The following DPF3 variants were observed in gnomAD, a reference collection of about 807,000 sequenced individuals.
The protein encoded by DPF3 is double PHD fingers 3.
In DPF3, 18 loss-of-function variants were observed where a neutral mutation model predicts 56.8. That is an observed-to-expected ratio of 0.32 (90% CI 0.22 to 0.47). The LOEUF (loss-of-function observed/expected upper bound fraction) is 0.47, where lower values mean the gene tolerates loss of function less well. Among genes scored for constraint, DPF3 ranks in the 20% least tolerant of loss-of-function variants. The pLI is 1.00. For synonymous variants in DPF3, 188 were observed against 180.2 expected, an observed-to-expected ratio of 1.04 and a Z score of -0.35; for missense variants, 403 against 488.8, an observed-to-expected ratio of 0.82 and a Z score of 1.65.
chr14:72,652,776 T>C (rs1885951814), intron 8 of DPF3, among the ~76,000 whole-genome samples: 1 of 151,712 alleles, frequency 6.6e-6, no homozygotes, highest in South Asian at 2.1e-4. Flanking sequence ...GGCCCCAGAA[T>C]GCGGGCTGTA....
At chr14:72,629,516 T>A (rs568820601) in intron 9 of DPF3, 108 bp downstream of exon 9, 1 of 1,065,868 alleles carries the variant, frequency 9.4e-7, no homozygotes, top group Non-Finnish European at 1.4e-6. Context: ...AGTGCCAGGG[T>A]AACAGGCCCC....
At chr14:72,669,033 C>A (rs1011849404) in intron 8 of DPF3, among the ~76,000 whole-genome samples, 2 of 152,122 alleles carry the variant, frequency 1.3e-5, no homozygotes, top group Non-Finnish European at 2.9e-5. Flanking sequence ...ACAGAACAAC[C>A]CAAAAGTGGT....
Position 72,649,660 on chromosome 14 carries a change from T to TGGGCG in DPF3, c.872-19925_872-19924insCGCCC, listed in dbSNP as rs1555491964. Among the ~76,000 whole-genome samples the TGGGCG allele has an allele frequency of 0.019, 1,143 of 61,132 alleles. 39 individuals carry two copies. In the East Asian group the frequency reaches 0.23, roughly 12 times the overall value. The allele number at this position is 61,132 out of a possible 152,430, so 40.1% of individuals were successfully genotyped here. On this transcript the variant is annotated intron_variant, in intron 8 of 10. Transcript: ENST00000556509. ...CTCAATTGTCTCACTCATCCCTGGG[T>TGGGCG]GGGGGGGGGGATTAATGTATTAGTA...
chr14:72,749,777 G>A (rs956351020), intron 3 of DPF3, among the ~76,000 whole-genome samples: 1 of 151,982 alleles, frequency 6.6e-6, no homozygotes, highest in African/African-American at 2.4e-5. Flanking sequence ...GCTGCCATCT[G>A]GGGAAGTTGA....
chr14:72,676,728 G>T (rs899474102), intron 7 of DPF3, among the ~76,000 whole-genome samples: 1 of 152,180 alleles, frequency 6.6e-6, no homozygotes, highest in East Asian at 1.9e-4. Context: ...ATGTGCCTTT[G>T]CTCCTCCTTT....
chr14:72,817,095 T>C (rs1883320920), intron 1 of DPF3, among the ~76,000 whole-genome samples: 1 of 152,108 alleles, frequency 6.6e-6, no homozygotes, highest in South Asian at 2.1e-4. Flanking sequence ...ATCACCTCTC[T>C]CAGAGGCTCA....
At position 72,618,058 on chromosome 14, in the gene DPF3, A is replaced by AT. The variant is rs564795126; in HGVS notation, c.*1238dup. Among the ~76,000 whole-genome samples the AT allele has an allele frequency of 0.48, 73,193 of 151,086 alleles. 18,492 individuals carry two copies. Among genetic ancestry groups the AT allele is most frequent in the East Asian group, 0.93 (4,763 of 5,114 alleles). ...CTCCCCACCTCTTTCTTCTAGACAC[A>AT]TTTTTTTTTGAAAACAAGAGTCCTG... On this transcript the variant is annotated 3_prime_UTR_variant, in exon 11 of 11. Transcript: ENST00000556509.
intron 2 of DPF3, among the ~76,000 whole-genome samples, chr14:72,764,484 G>GTTTTTGTTTTTTTTT (rs1891185069): frequency 1.9e-5 from 1 of 52,792 alleles, no homozygotes; most frequent in South Asian, 1.1e-3. Flanking sequence ...TTCCTGAGTT[G>GTTTTTGTTTTTTTTT]TTTTTTTTTT....
intron 5 of DPF3, 140 bp downstream of exon 5, chr14:72,723,493 C>G (rs10151620): frequency 0.71 from 529,462 of 747,056 alleles, 189,469 homozygotes; most frequent in East Asian, 0.84. Flanking sequence ...GATCAGAGCT[C>G]TTCTGGAGTT....
intron 1 of DPF3, among the ~76,000 whole-genome samples, chr14:72,865,868 GA>G (rs1239551277): frequency 6.6e-6 from 1 of 152,112 alleles, no homozygotes; most frequent in Admixed American, 6.6e-5. Flanking sequence ...CCAACATGAT[GA>G]AACCCCGTCT....
chr14:72,821,330 C>G (rs2140034735), intron 1 of DPF3, among the ~76,000 whole-genome samples: 1 of 152,148 alleles, frequency 6.6e-6, no homozygotes, highest in South Asian at 2.1e-4. Flanking sequence ...GTCCTATAAT[C>G]CCAGCACTTA....
At chr14:72,690,957 T>G (rs1887653164) in intron 7 of DPF3, among the ~76,000 whole-genome samples, 1 of 152,194 alleles carries the variant, frequency 6.6e-6, no homozygotes, top group African/African-American at 2.4e-5. Context: ...CTTGGTCACT[T>G]AGACCAGGGA....
chr14:72,722,700 A>G (rs1599384866), intron 5 of DPF3, among the ~76,000 whole-genome samples: 1 of 152,224 alleles, frequency 6.6e-6, no homozygotes, highest in African/African-American at 2.4e-5. Flanking sequence ...GGTGGACAGC[A>G]GCAGTTTACT....
At chr14:72,699,461 G>A (rs1470326419) in intron 6 of DPF3, among the ~76,000 whole-genome samples, 3 of 149,418 alleles carry the variant, frequency 2.0e-5, no homozygotes, top group African/African-American at 5.0e-5. Flanking sequence ...GGTCGAGGGT[G>A]CAGTGAGCCA....
intron 1 of DPF3, among the ~76,000 whole-genome samples, chr14:72,874,862 G>A (rs1482391976): frequency 1.3e-5 from 2 of 152,136 alleles, no homozygotes; most frequent in Admixed American, 1.3e-4. Context: ...TTTCAGCAAT[G>A]CCCCACTCTA....
chr14:72,733,373 T>TGACAAGGTA (rs1889755648), intron 3 of DPF3, among the ~76,000 whole-genome samples: 1 of 151,876 alleles, frequency 6.6e-6, no homozygotes, highest in South Asian at 2.1e-4. Flanking sequence ...TTAAGGGATC[T>TGACAAGGTA]GACAAGGTAG....
intron 8 of DPF3, among the ~76,000 whole-genome samples, chr14:72,654,693 A>G (rs1344341714): frequency 6.6e-6 from 1 of 152,182 alleles, no homozygotes. Flanking sequence ...TAATATCTAT[A>G]AAAAGCCTAG....
At chr14:72,632,743 G>A (rs1194965204) in intron 8 of DPF3, among the ~76,000 whole-genome samples, 3 of 138,478 alleles carry the variant, frequency 2.2e-5, no homozygotes, top group Admixed American at 2.2e-4. Flanking sequence ...AGGGAAGGAG[G>A]GAAGGATGGA....
At chr14:72,779,186 C>T (rs1052724751) in intron 1 of DPF3, among the ~76,000 whole-genome samples, 4 of 152,216 alleles carry the variant, frequency 2.6e-5, no homozygotes, top group Non-Finnish European at 5.9e-5. Flanking sequence ...AGCAGGAAGG[C>T]TAATGTGGCA....
Sources: gnomAD v4.1 joint callset for allele counts (sites outside exome capture counted in the v4.1 genomes callset) on GRCh38, gnomAD v4.1.1 for gene constraint, MANE v1.5 for transcripts, NCBI Gene and HGNC (gene_info 2026-07-23, HGNC 2026-07-21) for gene names.